Variants in SEC62 observed in about 807,000 individuals in gnomAD.
SEC62 encodes translocation protein SEC62.
In SEC62, 10 loss-of-function variants were observed where a neutral mutation model predicts 47.5. That is an observed-to-expected ratio of 0.21 (90% CI 0.13 to 0.36). SEC62 has a LOEUF of 0.36. Among genes scored for constraint, SEC62 ranks in the 10% least tolerant of loss-of-function variants. SEC62 has a pLI of 1.00. For synonymous variants in SEC62, 136 were observed against 150.5 expected (o/e 0.90, Z 0.71); for missense variants, 327 against 464.1 (o/e 0.70, Z 2.71).
rs766927414 is a variant in SEC62 at position 169,994,370 on chromosome 3, G to A, written c.*1307G>A. ...AGTGAGAGCATCTTGCTTTGTGGTT[G>A]AAATAGGTAGTGTATGTCAGTCTTT... On this transcript the variant is annotated 3_prime_UTR_variant, in exon 8 of 8. Coordinates refer to ENST00000337002, the MANE Select transcript of SEC62 (RefSeq NM_003262.4). 9 of 152,604 alleles carry A rather than the reference G, an allele frequency of 5.9e-5. No homozygotes were observed. The highest frequency in any genetic ancestry group is 1.3e-4 in the Non-Finnish European group (9 of 67,996). 9.5% of individuals were successfully genotyped at this position (152,604 alleles called of 1,614,324 possible). A position where few individuals can be genotyped will look rare whatever the true frequency, so the allele number is the denominator to read the frequency against.
intron 6 of SEC62, among the ~76,000 whole-genome samples, chr3:169,986,984 G>A (rs577412289): frequency 9.3e-4 from 142 of 152,020 alleles, no homozygotes; most frequent in South Asian, 3.7e-3. Flanking sequence ...CCAAAGTGCT[G>A]GGGGTTTGAT....
At chr3:169,969,464 G>T in intron 1 of SEC62, 1 of 403,404 alleles carries the variant, frequency 2.5e-6, no homozygotes, top group South Asian at 1.8e-5. Context: ...TTACAATCCT[G>T]GTATCAAGAA....
chr3:169,991,383 C>T lies in SEC62; in HGVS notation c.731-1211C>T, dbSNP rs1012632607. Reference sequence around the variant, plus strand: ...ACTGGCCTGGACAACATAGCAAGAACCTGTCTATCAAAGTAGGTAGATAGG... The same window carrying T: ...ACTGGCCTGGACAACATAGCAAGAATCTGTCTATCAAAGTAGGTAGATAGG... On this transcript the variant is annotated intron_variant, in intron 7 of 7. Coordinates refer to ENST00000337002, the MANE Select transcript of SEC62 (RefSeq NM_003262.4). 5.3e-5 allele frequency among the ~76,000 whole-genome samples: 8 copies of T among 152,032 alleles called. No individual in the cohort carries two copies. The East Asian group carries it at 1.5e-3, about 29-fold the overall frequency.
chr3:169,977,348 T>C (rs1714860344), intron 3 of SEC62, among the ~76,000 whole-genome samples: 1 of 152,230 alleles, frequency 6.6e-6, no homozygotes, highest in African/African-American at 2.4e-5. Flanking sequence ...TTTTCTTTTG[T>C]AGAGCAAATT....
At position 169,995,313 on chromosome 3, in the gene SEC62, C is replaced by T. The variant is rs1394550136; in HGVS notation, c.*2250C>T. ...CCTAACTAAGCAGGATTGAATTTAC[C>T]AGAGGCTAAGTTCAGATAGTAAGAA... On this transcript the variant is annotated 3_prime_UTR_variant, in exon 8 of 8. Transcript: ENST00000337002. 1 of 151,962 alleles carries T rather than the reference C, an allele frequency of 6.6e-6. No homozygotes were observed. Among genetic ancestry groups the T allele is most frequent in the Admixed American group, 6.6e-5 (1 of 15,238 alleles). 9.4% of individuals were successfully genotyped at this position (151,962 alleles called of 1,614,324 possible). A position where few individuals can be genotyped will look rare whatever the true frequency, so the allele number is the denominator to read the frequency against.
intron 7 of SEC62, among the ~76,000 whole-genome samples, chr3:169,991,872 AGT>A (rs1279272089): frequency 6.6e-6 from 1 of 152,232 alleles, no homozygotes. Flanking sequence ...AATCAGAAGT[AGT>A]AATGTATATA....
chr3:169,996,294 A>G lies in SEC62; in HGVS notation c.*3231A>G, dbSNP rs879057674. 5.2e-5 allele frequency: 8 copies of G among 152,760 alleles called. No homozygotes were observed. The East Asian group carries it at 1.4e-3, about 26-fold the overall frequency. The allele number at this position is 152,760 out of a possible 1,614,324, so 9.5% of individuals were successfully genotyped here. On this transcript the variant is annotated 3_prime_UTR_variant, in exon 8 of 8. Transcript: ENST00000337002. ...CTCCAGTATTTGAGTGATGTTTTAA[A>G]TATCCTATGTCTGAAAATAATTCCT...
intron 6 of SEC62, among the ~76,000 whole-genome samples, chr3:169,986,963 GC>G (rs1276902657): frequency 6.6e-6 from 1 of 151,834 alleles, no homozygotes; most frequent in African/African-American, 2.4e-5. Context: ...CTGGGCACTT[GC>G]CTCGTTGTCC....
At position 169,992,351 on chromosome 3, in the gene SEC62, G is replaced by A. The variant is rs1576866074; in HGVS notation, c.731-243G>A. Among the ~76,000 whole-genome samples the A allele has an allele frequency of 6.6e-6, 1 of 152,080 alleles. No homozygotes were observed. ...CTAGTCAGGAATTTTTTGTTTTCAG[G>A]CATGCAGTGGTGTAATTATAGCTCA... On this transcript the variant is annotated intron_variant, in intron 7 of 7. Coordinates refer to ENST00000337002, the MANE Select transcript of SEC62 (RefSeq NM_003262.4). This position sits in a 1 kb window ranked among gnomAD's most constrained non-coding sequence, Gnocchi z 4.0.
intron 3 of SEC62, among the ~76,000 whole-genome samples, chr3:169,982,358 G>A (rs1199887067): frequency 6.6e-6 from 1 of 152,040 alleles, no homozygotes; most frequent in Non-Finnish European, 1.5e-5. Flanking sequence ...GTCAGCTCTT[G>A]CATTTGAGAC....
chr3:169,983,007 A>C, intron 4 of SEC62, 96 bp downstream of exon 4: 3 of 1,491,200 alleles, frequency 2.0e-6, no homozygotes, highest in Non-Finnish European at 2.7e-6. Context: ...TGCAACACCT[A>C]CCTGAGATAA....
At chr3:169,987,242 C>CA (rs1230396388) in intron 6 of SEC62, among the ~76,000 whole-genome samples, 3 of 151,982 alleles carry the variant, frequency 2.0e-5, no homozygotes, top group African/African-American at 7.2e-5. Context: ...GCCTAGGCAA[C>CA]ATGGCGAAAC....
chr3:169,967,385 C>T (rs1714558762), intron 1 of SEC62, among the ~76,000 whole-genome samples: 2 of 152,194 alleles, frequency 1.3e-5, no homozygotes, highest in African/African-American at 4.8e-5. Context: ...GCCTCGGGGC[C>T]TAGGCAGGGA....
chr3:169,983,319 C>A, intron 5 of SEC62, 66 bp downstream of exon 5: 2 of 1,031,796 alleles, frequency 1.9e-6, no homozygotes, highest in Middle Eastern at 2.2e-4. Context: ...TGTTTGATGC[C>A]TTCACTAATA....
chr3:169,969,313 C>G, intron 1 of SEC62: 1 of 456,518 alleles, frequency 2.2e-6, no homozygotes, highest in Non-Finnish European at 4.4e-6. Context: ...CGTGTCCCAT[C>G]GAAGTTTCTA....
intron 7 of SEC62, among the ~76,000 whole-genome samples, chr3:169,990,106 ATATT>A (rs1341202707): frequency 6.7e-6 from 1 of 149,942 alleles, no homozygotes; most frequent in East Asian, 1.9e-4. Context: ...ATTTTTATAT[ATATT>A]CATTTTTTGG....
chr3:169,980,325 A>G (rs1321930413), intron 3 of SEC62, among the ~76,000 whole-genome samples: 1 of 151,720 alleles, frequency 6.6e-6, no homozygotes, highest in Non-Finnish European at 1.5e-5. Context: ...ACACCGAGAT[A>G]GGAAAGTATG....
rs185384577 is a variant in SEC62, at chr3:169,987,405, T to A, written c.611-835T>A. 8.6e-4 allele frequency among the ~76,000 whole-genome samples: 131 copies of A among 152,148 alleles called. 1 individual carries two copies. The highest frequency in any genetic ancestry group is 3.2e-3 in the African/African-American group (131 of 41,528). On this transcript the variant is annotated intron_variant, in intron 6 of 7. Transcript: ENST00000337002. ...CTGTACTGCAGCCTGGGTGACAGAGTAAGACTCTGTTTCAGAAAACAAAAA... is the reference window on the plus strand; with the variant it reads ...CTGTACTGCAGCCTGGGTGACAGAGAAAGACTCTGTTTCAGAAAACAAAAA...
At chr3:169,974,690 GA>G (rs1316435379) in intron 1 of SEC62, among the ~76,000 whole-genome samples, 1 of 152,150 alleles carries the variant, frequency 6.6e-6, no homozygotes, top group Non-Finnish European at 1.5e-5. Context: ...CCTTACTGGA[GA>G]AGAGAAGATG....
Sources: gnomAD v4.1 joint callset for allele counts (sites outside exome capture counted in the v4.1 genomes callset) on GRCh38, gnomAD v4.1.1 for gene constraint, Gnocchi (gnomAD v3.1) non-coding constraint, MANE v1.5 for transcripts, NCBI Gene and HGNC (gene_info 2026-07-23, HGNC 2026-07-21) for gene names.